BMPER: variants seen among roughly 807,000 people sequenced by gnomAD.
BMPER encodes the protein BMP binding endothelial regulator.
Under a neutral mutation model 87.3 loss-of-function variants are expected in BMPER, and 45 were observed. That is an observed-to-expected ratio of 0.52 (90% CI 0.41 to 0.66). The LOEUF is 0.66. BMPER is among the 30% of genes least tolerant of loss of function. BMPER has a pLI of 0.00. For synonymous variants in BMPER, 326 were observed against 316.2 expected, an observed-to-expected ratio of 1.03 and a Z score of -0.33; for missense variants, 784 against 867.5, an observed-to-expected ratio of 0.90 and a Z score of 1.21.
chr7:33,978,541 C>A (rs1469795839), intron 6 of BMPER, among the ~76,000 whole-genome samples: 2 of 152,152 alleles, frequency 1.3e-5, no homozygotes, highest in Non-Finnish European at 2.9e-5. Flanking sequence ...CCAACTCCAA[C>A]CAGGGTTTGG....
intron 3 of BMPER, among the ~76,000 whole-genome samples, chr7:33,963,697 G>A (rs1379871407): frequency 6.6e-6 from 1 of 152,132 alleles, no homozygotes; most frequent in Non-Finnish European, 1.5e-5. Flanking sequence ...AGGGGGCTGA[G>A]TAGGAGAATC....
intron 6 of BMPER, among the ~76,000 whole-genome samples, chr7:34,021,529 T>G (rs1787187755): frequency 1.3e-5 from 2 of 152,014 alleles, no homozygotes; most frequent in South Asian, 4.1e-4. Context: ...ATGAGGCAAT[T>G]GTACCTATGG....
chr7:34,025,972 G>A (rs1019924953), intron 6 of BMPER, among the ~76,000 whole-genome samples: 19 of 152,134 alleles, frequency 1.2e-4, no homozygotes, highest in African/African-American at 4.1e-4. Context: ...TCTGGAAGCC[G>A]ATACCTGTGG....
chr7:33,921,960 A>G (rs950274329), intron 2 of BMPER: 5 of 413,316 alleles, frequency 1.2e-5, no homozygotes, highest in East Asian at 7.4e-5. Context: ...GCAAGAAGCT[A>G]TTTCCTTCGG....
At chr7:33,986,484 C>A (rs1786014903) in intron 6 of BMPER, among the ~76,000 whole-genome samples, 1 of 152,182 alleles carries the variant, frequency 6.6e-6, no homozygotes, top group African/African-American at 2.4e-5. Context: ...CAATCTAGAA[C>A]TTTTCTACCT....
rs61345180 is a variant in BMPER, at chr7:34,020,859, A to AACACACAC, written c.577-25422_577-25415dup. 2.0e-3 allele frequency among the ~76,000 whole-genome samples: 298 copies of AACACACAC among 146,836 alleles called. 3 individuals carry two copies. The highest frequency in any genetic ancestry group is 7.0e-3 in the Middle Eastern group (2 of 284). ...TGAGATTTAACAGGATGAATTTCTT[A>AACACACAC]ACACACACACACACACACACACACA... is the stretch of plus-strand genomic sequence containing the variant. On this transcript the variant is annotated intron_variant, in intron 6 of 14. Transcript: ENST00000649409.
intron 13 of BMPER, among the ~76,000 whole-genome samples, chr7:34,139,793 G>T (rs1051092129): frequency 9.9e-5 from 15 of 152,056 alleles, no homozygotes; most frequent in Non-Finnish European, 2.1e-4. Flanking sequence ...AATGGCTGTA[G>T]GGTGTTTCAT....
chr7:34,100,206 A>G (rs1306605730), intron 13 of BMPER, among the ~76,000 whole-genome samples: 1 of 152,190 alleles, frequency 6.6e-6, no homozygotes, highest in Admixed American at 6.5e-5. Flanking sequence ...AAGACATTCA[A>G]CCAATATCCT....
intron 6 of BMPER, among the ~76,000 whole-genome samples, chr7:34,035,426 G>A (rs887148941): frequency 6.6e-6 from 1 of 152,134 alleles, no homozygotes; most frequent in Non-Finnish European, 1.5e-5. Context: ...GACTTCAATT[G>A]CTATTTAGAA....
intron 9 of BMPER, 50 bp from the exon 10 acceptor site, chr7:34,058,009 A>C (rs1305515380): frequency 4.5e-6 from 7 of 1,551,094 alleles, no homozygotes; most frequent in Admixed American, 3.3e-5. Context: ...TGTTGCCTCA[A>C]CTCCTGTCAG....
At chr7:33,998,774 C>T (rs544611646) in intron 6 of BMPER, among the ~76,000 whole-genome samples, 3 of 152,298 alleles carry the variant, frequency 2.0e-5, no homozygotes, top group Admixed American at 6.5e-5. Flanking sequence ...CCCCGGCTGC[C>T]GAAGGCCTGG....
At chr7:34,090,130 A>G (rs1789340121) in intron 13 of BMPER, among the ~76,000 whole-genome samples, 1 of 152,258 alleles carries the variant, frequency 6.6e-6, no homozygotes, top group Non-Finnish European at 1.5e-5. Flanking sequence ...AAATGCATTG[A>G]TAACACATCT....
At position 33,934,757 on chromosome 7, in the gene BMPER, C is replaced by G. The variant is rs193104851; in HGVS notation, c.220-2532C>G. Among the ~76,000 whole-genome samples, 5 of 152,346 alleles carry G rather than the reference C, an allele frequency of 3.3e-5. No homozygotes were observed. In the East Asian group the frequency reaches 7.7e-4, roughly 24 times the overall value. On this transcript the variant is annotated intron_variant, in intron 2 of 14. Transcript: ENST00000649409. ...GACTGCCCTGAGAGCTTTGAACTCTCTGTATCTGAAGATTCTTCCCTTCAG... is the reference window on the plus strand; with the variant it reads ...GACTGCCCTGAGAGCTTTGAACTCTGTGTATCTGAAGATTCTTCCCTTCAG...
At chr7:33,966,405 A>G (rs958125030) in intron 3 of BMPER, 74 bp from the exon 4 acceptor site, 7 of 1,303,128 alleles carry the variant, frequency 5.4e-6, no homozygotes, top group Non-Finnish European at 6.7e-6. Context: ...AACATAACTT[A>G]TTTTGCTCCA....
intron 2 of BMPER, among the ~76,000 whole-genome samples, chr7:33,925,067 C>A (rs1052360964): frequency 6.6e-6 from 1 of 152,190 alleles, no homozygotes; most frequent in African/African-American, 2.4e-5. Context: ...CCCATGAGAT[C>A]ATGCGTGGGT....
intron 8 of BMPER, among the ~76,000 whole-genome samples, chr7:34,052,826 G>T (rs910182484): frequency 3.9e-5 from 6 of 152,172 alleles, no homozygotes; most frequent in Non-Finnish European, 7.3e-5. Flanking sequence ...TCAGCGGGTG[G>T]TTGGTTAAGG....
At chr7:34,109,946 G>A (rs946311795) in intron 13 of BMPER, among the ~76,000 whole-genome samples, 2 of 152,086 alleles carry the variant, frequency 1.3e-5, no homozygotes, top group Admixed American at 1.3e-4. Flanking sequence ...TATTCTCCTG[G>A]TTTTTAATGT....
At chr7:34,036,212 G>T (rs1029334585) in intron 6 of BMPER, among the ~76,000 whole-genome samples, 1 of 152,150 alleles carries the variant, frequency 6.6e-6, no homozygotes, top group African/African-American at 2.4e-5. Context: ...TAACAGCTTT[G>T]ACTACTTCCG....
intron 3 of BMPER, among the ~76,000 whole-genome samples, chr7:33,940,950 CAT>C (rs1358426766): frequency 0.012 from 1,610 of 129,458 alleles, 45 homozygotes; most frequent in African/African-American, 0.045. Flanking sequence ...ATATATGTAA[CAT>C]ATATATTTAT....
Sources: gnomAD v4.1 joint callset for allele counts (sites outside exome capture counted in the v4.1 genomes callset) on GRCh38, gnomAD v4.1.1 for gene constraint, MANE v1.5 for transcripts, NCBI Gene and HGNC (gene_info 2026-07-23, HGNC 2026-07-21) for gene names.